The following WDR49 variants were observed in gnomAD, a reference collection of about 807,000 sequenced individuals.
WDR49 encodes cilia- and flagella-associated protein 337.
In WDR49, 107 loss-of-function variants were observed where a neutral mutation model predicts 119.5. The ratio of observed to expected loss-of-function variants is 0.90; its 90% CI spans 0.77 to 1.05. The LOEUF (loss-of-function observed/expected upper bound fraction) is 1.05. WDR49 is among the 50% of genes least tolerant of loss of function. WDR49 has a pLI of 0.00. For synonymous variants in WDR49, 425 were observed against 418.8 expected (o/e 1.01, Z -0.18); for missense variants, 1,240 against 1,220.5 (o/e 1.02, Z -0.24).
chr3:167,486,685 A>G (rs1023718452), intron 18 of WDR49, among the ~76,000 whole-genome samples: 4 of 152,154 alleles, frequency 2.6e-5, no homozygotes, highest in South Asian at 2.1e-4. Context: ...AGATTTAACT[A>G]TCCTAAATAG....
At chr3:167,566,934 G>A (rs915449974) in intron 8 of WDR49, 9 of 635,042 alleles carry the variant, frequency 1.4e-5, no homozygotes, top group East Asian at 2.9e-5. Context: ...TTACTGTCTC[G>A]GGGTGACAGA....
At chr3:167,515,226 C>T (rs915840114) in intron 16 of WDR49, among the ~76,000 whole-genome samples, 1 of 152,090 alleles carries the variant, frequency 6.6e-6, no homozygotes, top group Non-Finnish European at 1.5e-5. Context: ...AACATTGATG[C>T]AAAAATCCTC....
intron 16 of WDR49, among the ~76,000 whole-genome samples, chr3:167,519,173 G>C (rs1752331048): frequency 6.6e-6 from 1 of 152,158 alleles, no homozygotes; most frequent in South Asian, 2.1e-4. Flanking sequence ...TTGCACTGTT[G>C]ATGGGAATGT....
chr3:167,653,484 T>C lies in WDR49; in HGVS notation c.-59A>G. On this transcript the variant is annotated 5_prime_UTR_variant, in exon 2 of 19. Transcript: ENST00000682715. ...ATTTCTATAAGGATGGATCTTCTTT[T>C]TCCTTCAACAGGTGCCTTTGAAAAG... 1 of 1,415,274 alleles carries C rather than the reference T, an allele frequency of 7.1e-7. No individual in the cohort carries two copies. Among genetic ancestry groups the C allele is most frequent in the East Asian group, 2.6e-5 (1 of 38,326 alleles). The allele number at this position is 1,415,274 out of a possible 1,614,324, so 87.7% of individuals were successfully genotyped here. A position where few individuals can be genotyped will look rare whatever the true frequency, so the allele number is the denominator to read the frequency against.
rs74489705 is a variant in WDR49, at chr3:167,600,348, G to A, written c.1275+1779C>T. 8.4e-3 allele frequency among the ~76,000 whole-genome samples: 1,277 copies of A among 152,142 alleles called. 18 individuals are homozygous for A. The highest frequency in any genetic ancestry group is 0.029 in the African/African-American group (1,216 of 41,514). On this transcript the variant is annotated intron_variant, in intron 7 of 18. Coordinates refer to ENST00000682715, the MANE Select transcript of WDR49 (RefSeq NM_001366157.1). ...CTCACCTAGGAGTTGCAGTCCTTGT[G>A]GTCCATGCCACACAGACACTGTGGT...
At chr3:167,562,127 A>G (rs1560286966) in intron 8 of WDR49, among the ~76,000 whole-genome samples, 1 of 152,160 alleles carries the variant, frequency 6.6e-6, no homozygotes, top group African/African-American at 2.4e-5. Context: ...GCTTTCATCA[A>G]TTATCATTGG....
intron 2 of WDR49, 95 bp downstream of exon 2, chr3:167,653,166 A>G (rs1449913914): frequency 1.5e-6 from 2 of 1,367,108 alleles, no homozygotes; most frequent in African/African-American, 1.4e-5. Flanking sequence ...AATTAAGTGT[A>G]TTTTTTTAAT....
At chr3:167,572,665 A>G (rs950561825) in intron 8 of WDR49, among the ~76,000 whole-genome samples, 3 of 152,234 alleles carry the variant, frequency 2.0e-5, no homozygotes, top group African/African-American at 7.2e-5. Context: ...ATGGAACAAA[A>G]GGATCTTCCC....
intron 10 of WDR49, among the ~76,000 whole-genome samples, chr3:167,544,714 T>C (rs1359837879): frequency 6.6e-6 from 1 of 151,978 alleles, no homozygotes; most frequent in Non-Finnish European, 1.5e-5. Flanking sequence ...AATACTTAAA[T>C]CTAAGACCTG....
intron 10 of WDR49, among the ~76,000 whole-genome samples, chr3:167,546,809 A>C (rs1247296886): frequency 6.6e-6 from 1 of 151,874 alleles, no homozygotes; most frequent in Non-Finnish European, 1.5e-5. Context: ...AGAACACAAG[A>C]ATTCAATTAA....
chr3:167,649,746 C>T (rs980575506), intron 2 of WDR49, among the ~76,000 whole-genome samples: 1 of 152,152 alleles, frequency 6.6e-6, no homozygotes, highest in Admixed American at 6.5e-5. Flanking sequence ...CTATTTGGCC[C>T]TTCCTACTTT....
chr3:167,535,159 A>G (rs1361753451), intron 11 of WDR49, among the ~76,000 whole-genome samples: 4 of 152,114 alleles, frequency 2.6e-5, no homozygotes, highest in Non-Finnish European at 5.9e-5. Flanking sequence ...TAGAGCCGTG[A>G]GGGGAAATCA....
At chr3:167,588,731 G>A (rs1373882745) in intron 7 of WDR49, among the ~76,000 whole-genome samples, 2 of 151,942 alleles carry the variant, frequency 1.3e-5, no homozygotes, top group African/African-American at 4.8e-5. Flanking sequence ...TTTGCCATTT[G>A]TCTTTTTTTG....
At chr3:167,627,436 T>C (rs986560145) in intron 2 of WDR49, 144 bp from the exon 3 acceptor site, 1 of 710,372 alleles carries the variant, frequency 1.4e-6, no homozygotes, top group African/African-American at 1.9e-5. Flanking sequence ...ATAACAGTAA[T>C]ATACTCAAGT....
chr3:167,581,918 T>C (rs1036276757), intron 7 of WDR49, among the ~76,000 whole-genome samples: 7 of 152,096 alleles, frequency 4.6e-5, no homozygotes, highest in African/African-American at 1.4e-4. Context: ...CTCACATGAC[T>C]CCATTTAAAG....
intron 10 of WDR49, among the ~76,000 whole-genome samples, chr3:167,548,079 T>C (rs1352053554): frequency 2.0e-5 from 3 of 152,056 alleles, no homozygotes; most frequent in African/African-American, 7.2e-5. Flanking sequence ...CTGAATACTT[T>C]GATAAAACAA....
chr3:167,625,924 A>C (rs1319158448), intron 3 of WDR49, among the ~76,000 whole-genome samples: 2 of 122,884 alleles, frequency 1.6e-5, no homozygotes, highest in Non-Finnish European at 3.2e-5. Context: ...CAAAATTTGC[A>C]AAAAAAAAAA....
At chr3:167,557,359 C>T (rs1024251277) in intron 9 of WDR49, among the ~76,000 whole-genome samples, 13 of 152,088 alleles carry the variant, frequency 8.5e-5, no homozygotes, top group African/African-American at 3.1e-4. Context: ...GACATATTTT[C>T]AAGCATATTC....
At chr3:167,610,780 T>C (rs1208896319) in intron 5 of WDR49, among the ~76,000 whole-genome samples, 2 of 152,200 alleles carry the variant, frequency 1.3e-5, no homozygotes, top group African/African-American at 4.8e-5. Context: ...ACAGTCATAG[T>C]AGTAGTGGCC....
Sources: gnomAD v4.1 joint callset for allele counts (sites outside exome capture counted in the v4.1 genomes callset) on GRCh38, gnomAD v4.1.1 for gene constraint, MANE v1.5 for transcripts, NCBI Gene and HGNC (gene_info 2026-07-23, HGNC 2026-07-21) for gene names.